Variants in MYO3B observed in about 807,000 individuals in gnomAD.
The protein encoded by MYO3B is myosin IIIB.
Under a neutral mutation model 174.6 loss-of-function variants are expected in MYO3B, and 156 were observed. That is an observed-to-expected ratio of 0.89 (90% CI 0.78 to 1.02). The LOEUF is 1.02. Among genes scored for constraint, MYO3B ranks in the 50% least tolerant of loss-of-function variants. The pLI, the probability that MYO3B is intolerant of heterozygous loss-of-function variation, is 0.00. For synonymous variants in MYO3B, 563 were observed against 569.1 expected (o/e 0.99, Z 0.15); for missense variants, 1,632 against 1,639.4 (o/e 1.00, Z 0.08).
intron 7 of MYO3B, among the ~76,000 whole-genome samples, chr2:170,266,092 G>A (rs2093381182): frequency 1.3e-5 from 2 of 151,984 alleles, no homozygotes; most frequent in African/African-American, 4.8e-5. Context: ...TACTCAGGAT[G>A]GGTAATCATA....
chr2:170,428,189 G>GC (rs367843003), intron 22 of MYO3B, among the ~76,000 whole-genome samples: 145 of 152,328 alleles, frequency 9.5e-4, no homozygotes, highest in African/African-American at 2.8e-3. Flanking sequence ...CAGAGCCATT[G>GC]CTGGTTGCCT....
intron 28 of MYO3B, among the ~76,000 whole-genome samples, chr2:170,508,806 A>G (rs756862476): frequency 6.6e-6 from 1 of 152,226 alleles, no homozygotes. Flanking sequence ...TTTGCCATGT[A>G]GTTTGGGGAA....
chr2:170,318,424 G>A (rs1234635447), intron 7 of MYO3B, among the ~76,000 whole-genome samples: 1 of 152,166 alleles, frequency 6.6e-6, no homozygotes, highest in African/African-American at 2.4e-5. Flanking sequence ...AGTCAATGCA[G>A]ATCCAGGACT....
chr2:170,527,092 A>G (rs1000830495), intron 30 of MYO3B, among the ~76,000 whole-genome samples: 2 of 152,190 alleles, frequency 1.3e-5, no homozygotes, highest in African/African-American at 4.8e-5. Context: ...CTCATCCTTC[A>G]AGGTCTCATT....
At chr2:170,240,455 A>G (rs1487621389) in intron 7 of MYO3B, among the ~76,000 whole-genome samples, 1 of 152,212 alleles carries the variant, frequency 6.6e-6, no homozygotes, top group Admixed American at 6.5e-5. Flanking sequence ...CAGATGAGAA[A>G]ACTCAAGGAT....
At chr2:170,289,501 G>C (rs895123856) in intron 7 of MYO3B, among the ~76,000 whole-genome samples, 1 of 151,928 alleles carries the variant, frequency 6.6e-6, no homozygotes, top group African/African-American at 2.4e-5. Context: ...TTGGCATTTA[G>C]TTGTTCATAA....
chr2:170,377,359 A>G (rs2094301743), intron 9 of MYO3B, among the ~76,000 whole-genome samples: 1 of 152,202 alleles, frequency 6.6e-6, no homozygotes, highest in Non-Finnish European at 1.5e-5. Context: ...AGATTTGAAC[A>G]AAGACCCCCA....
In MYO3B at chr2:170,561,400, A is replaced by G. The variant is rs376747381; in HGVS notation, c.3733+17412A>G. Reference sequence around the variant, plus strand: ...TCTAAACATTGCCCTTAGAGTGACAATCTTTTCTTCAGCAGTCTGACAAAT... The same window carrying G: ...TCTAAACATTGCCCTTAGAGTGACAGTCTTTTCTTCAGCAGTCTGACAAAT... On this transcript the variant is annotated intron_variant, in intron 32 of 34. Coordinates refer to ENST00000408978, the MANE Select transcript of MYO3B (RefSeq NM_138995.5). Among the ~76,000 whole-genome samples the G allele has an allele frequency of 1.4e-4, 21 of 152,296 alleles. No individual in the cohort carries two copies. The East Asian group carries it at 2.3e-3, about 17-fold the overall frequency.
At chr2:170,544,294 G>A (rs1282460766) in intron 32 of MYO3B, among the ~76,000 whole-genome samples, 1 of 152,206 alleles carries the variant, frequency 6.6e-6, no homozygotes, top group Admixed American at 6.5e-5. Flanking sequence ...AGCTTTTAGT[G>A]GAGCGGATCA....
At chr2:170,382,617 T>A in intron 10 of MYO3B, 1 of 169,948 alleles carries the variant, frequency 5.9e-6, no homozygotes, top group Non-Finnish European at 1.3e-5. Flanking sequence ...TTACCTTCAA[T>A]GTCTAAATCA....
intron 6 of MYO3B, among the ~76,000 whole-genome samples, chr2:170,226,946 A>T: frequency 6.6e-6 from 1 of 152,190 alleles, no homozygotes; most frequent in East Asian, 1.9e-4. Flanking sequence ...TTACTGCAGG[A>T]ACAGAAGTGT....
chr2:170,217,962 A>T (rs1302240395), intron 6 of MYO3B, among the ~76,000 whole-genome samples: 1 of 152,216 alleles, frequency 6.6e-6, no homozygotes, highest in East Asian at 1.9e-4. Context: ...TTCCAGCTAG[A>T]TGAGTCTTGC....
At position 170,212,652 on chromosome 2, in the gene MYO3B, C is replaced by T. The variant is rs552009985; in HGVS notation, c.322-1727C>T. Reference sequence around the variant, plus strand: ...GGAGAAAAGGAAAAAAAAGAAAGAACTCAGCAAAGTGAGATGGAGTCCTGC... The same window carrying T: ...GGAGAAAAGGAAAAAAAAGAAAGAATTCAGCAAAGTGAGATGGAGTCCTGC... On this transcript the variant is annotated intron_variant, in intron 3 of 34. Coordinates refer to ENST00000408978, the MANE Select transcript of MYO3B (RefSeq NM_138995.5). Among the ~76,000 whole-genome samples the T allele has an allele frequency of 2.2e-4, 34 of 152,208 alleles. No individual in the cohort carries two copies. In the Middle Eastern group the frequency reaches 0.01, roughly 46 times the overall value.
intron 32 of MYO3B, among the ~76,000 whole-genome samples, chr2:170,593,911 G>A (rs530049791): frequency 1.3e-5 from 2 of 152,190 alleles, no homozygotes; most frequent in African/African-American, 4.8e-5. Context: ...CTTGGGGCTC[G>A]CTGATATTGT....
rs755248013 is a variant in MYO3B at position 170,499,647 on chromosome 2, T to G, written c.3128T>G (p.Val1043Gly). The G allele has an allele frequency of 6.2e-7, 1 of 1,613,696 alleles. No individual in the cohort carries two copies. Among genetic ancestry groups the G allele is most frequent in the African/African-American group, 1.3e-5 (1 of 74,920 alleles). ...LDHWVLGKTKVFLKYYHVEQL... is the reference protein window; with the variant it reads ...LDHWVLGKTKGFLKYYHVEQL... ...GCTAAAACTACTGTCTCGTTTCAGG[T>G]TTTTCTCAAATATTACCATGTTGAG... The change falls in exon 27 of 35, where the codon GTT (valine) becomes GGT (glycine). Residue 1043 changes from valine (V) to glycine (G), a missense_variant and splice_region_variant. Physicochemically the swap from Val to Gly is moderately radical, Grantham distance 109 (BLOSUM62 -3). Transcript: ENST00000408978.
chr2:170,278,774 C>T, intron 7 of MYO3B, among the ~76,000 whole-genome samples: 1 of 152,102 alleles, frequency 6.6e-6, no homozygotes, highest in East Asian at 1.9e-4. Context: ...ACCCCCGCCA[C>T]ATATACCCAC....
intron 7 of MYO3B, among the ~76,000 whole-genome samples, chr2:170,282,618 GT>G (rs199646070): frequency 1.3e-5 from 2 of 150,790 alleles, no homozygotes; most frequent in Admixed American, 6.6e-5. Flanking sequence ...AAATTTTAGG[GT>G]TTTTTTTTCT....
At chr2:170,537,947 G>A (rs1290671485) in intron 30 of MYO3B, among the ~76,000 whole-genome samples, 2 of 152,172 alleles carry the variant, frequency 1.3e-5, no homozygotes, top group East Asian at 1.9e-4. Context: ...ATGCTTTCAA[G>A]CGTGAACGAA....
intron 7 of MYO3B, among the ~76,000 whole-genome samples, chr2:170,302,013 A>G (rs1170303702): frequency 4.7e-5 from 7 of 150,112 alleles, no homozygotes; most frequent in Admixed American, 6.7e-5. Context: ...TGGGTTTTGG[A>G]TATTTCTCCA....
Sources: gnomAD v4.1 joint callset for allele counts (sites outside exome capture counted in the v4.1 genomes callset) on GRCh38, gnomAD v4.1.1 for gene constraint, MANE v1.5 for transcripts, NCBI Gene and HGNC (gene_info 2026-07-23, HGNC 2026-07-21) for gene names.